The following BICD1 variants were observed in gnomAD, a reference collection of about 807,000 sequenced individuals.
BICD1 encodes the protein protein bicaudal D homolog 1.
BICD1 carries 35 observed loss-of-function variants against 92.5 expected under a neutral mutation model. That is an observed-to-expected ratio of 0.38 (90% CI 0.29 to 0.50). The LOEUF (loss-of-function observed/expected upper bound fraction) is 0.50, where lower values mean the gene tolerates loss of function less well. BICD1 is among the 20% of genes least tolerant of loss of function. The probability of loss-of-function intolerance (pLI) is 0.93; values close to 1 mark genes in which losing one functional copy is unlikely to be tolerated. For synonymous variants in BICD1, 429 were observed against 465.1 expected, an observed-to-expected ratio of 0.92 and a Z score of 1.00; for missense variants, 950 against 1,189.8, an observed-to-expected ratio of 0.80 and a Z score of 2.97.
At chr12:32,221,143 A>G (rs2121569375) in intron 2 of BICD1, among the ~76,000 whole-genome samples, 2 of 151,318 alleles carry the variant, frequency 1.3e-5, no homozygotes, top group South Asian at 4.2e-4. Context: ...ACCTAATGCT[A>G]AATGACGAGT....
chr12:32,175,386 G>A (rs550420383), intron 1 of BICD1, among the ~76,000 whole-genome samples: 52 of 152,204 alleles, frequency 3.4e-4, no homozygotes, highest in African/African-American at 1.2e-3. Flanking sequence ...TCATGATCTA[G>A]GCTCACTGCA....
intron 2 of BICD1, among the ~76,000 whole-genome samples, chr12:32,234,520 T>C (rs894723368): frequency 1.3e-5 from 2 of 149,002 alleles, no homozygotes; most frequent in Non-Finnish European, 3.0e-5. Context: ...CACTTGAACC[T>C]GGGAGGCGGA....
intron 8 of BICD1, among the ~76,000 whole-genome samples, chr12:32,343,022 T>C (rs966715398): frequency 1.3e-5 from 2 of 152,218 alleles, no homozygotes; most frequent in African/African-American, 2.4e-5. Context: ...GCCCTTACAA[T>C]TGCAGTGCTT....
intron 1 of BICD1, among the ~76,000 whole-genome samples, chr12:32,122,270 A>G (rs1471205592): frequency 1.3e-5 from 2 of 152,038 alleles, no homozygotes; most frequent in Admixed American, 6.6e-5. Context: ...GATCGAGACC[A>G]TCCTAACACA....
At chr12:32,155,412 G>T (rs1943409779) in intron 1 of BICD1, among the ~76,000 whole-genome samples, 1 of 152,152 alleles carries the variant, frequency 6.6e-6, no homozygotes, top group Admixed American at 6.5e-5. Flanking sequence ...CCTTTAATAG[G>T]CTGAGGATTT....
At chr12:32,251,449 G>A (rs1001066336) in intron 2 of BICD1, among the ~76,000 whole-genome samples, 2 of 151,598 alleles carry the variant, frequency 1.3e-5, no homozygotes, top group Non-Finnish European at 2.9e-5. Context: ...AAAAATTAAG[G>A]CATCAGCAGG....
intron 2 of BICD1, among the ~76,000 whole-genome samples, chr12:32,283,749 G>A (rs1947482037): frequency 1.3e-5 from 2 of 152,222 alleles, no homozygotes; most frequent in South Asian, 4.1e-4. Flanking sequence ...ATGGGTGTGA[G>A]TGGCTCATGT....
chr12:32,319,662 C>G (rs2136241857), intron 4 of BICD1, among the ~76,000 whole-genome samples: 1 of 151,908 alleles, frequency 6.6e-6, no homozygotes, highest in South Asian at 2.1e-4. Flanking sequence ...GCTGCAACCT[C>G]TGCTTCCCAG....
intron 1 of BICD1, among the ~76,000 whole-genome samples, chr12:32,189,183 G>A (rs1456035769): frequency 6.6e-6 from 1 of 152,238 alleles, no homozygotes; most frequent in Non-Finnish European, 1.5e-5. Flanking sequence ...TTGAGGACAT[G>A]CAGTTAGAAC....
In BICD1 at chr12:32,382,829, C is replaced by T. The variant is rs1251696980; in HGVS notation, c.*5202C>T. On this transcript the variant is annotated 3_prime_UTR_variant, in exon 10 of 10. Transcript: ENST00000652176. ...AGAACTATAAAGTAAGGGGAAATAT[C>T]ATTTTATTTAAAAATAATTATTCAA... 6.6e-6 allele frequency: 1 copy of T among 151,554 alleles called. No individual in the cohort carries two copies. The highest frequency in any genetic ancestry group is 1.5e-5 in the Non-Finnish European group (1 of 67,870). The allele number at this position is 151,554 out of a possible 1,614,324, so 9.4% of individuals were successfully genotyped here. A position where few individuals can be genotyped will look rare whatever the true frequency, so the allele number is the denominator to read the frequency against.
At chr12:32,282,503 G>A (rs1384392471) in intron 2 of BICD1, among the ~76,000 whole-genome samples, 2 of 152,086 alleles carry the variant, frequency 1.3e-5, no homozygotes, top group East Asian at 1.9e-4. Flanking sequence ...GTGGGAGAAG[G>A]ATACTTCCTG....
intron 8 of BICD1, among the ~76,000 whole-genome samples, chr12:32,360,598 T>G (rs751023859): frequency 4.6e-5 from 7 of 152,158 alleles, no homozygotes; most frequent in Non-Finnish European, 1.0e-4. Context: ...GGTAAAATAA[T>G]GTGTCTGAAC....
intron 2 of BICD1, among the ~76,000 whole-genome samples, chr12:32,239,944 A>T (rs1326760705): frequency 1.3e-5 from 2 of 152,108 alleles, no homozygotes; most frequent in African/African-American, 2.4e-5. Flanking sequence ...TGTATTTTTT[A>T]GATATGGTAT....
chr12:32,223,325 C>A (rs1317941314), intron 2 of BICD1, among the ~76,000 whole-genome samples: 1 of 152,138 alleles, frequency 6.6e-6, no homozygotes, highest in Non-Finnish European at 1.5e-5. Context: ...CGAGACCAGG[C>A]TGGCCAACAT....
intron 8 of BICD1, among the ~76,000 whole-genome samples, chr12:32,362,881 G>T (rs1485036887): frequency 6.6e-6 from 1 of 152,036 alleles, no homozygotes. Context: ...AAAAAAATAT[G>T]TGAGACTATG....
Position 32,334,601 on chromosome 12 carries a change from A to G in BICD1, c.2186A>G (p.Asn729Ser). Reference protein sequence around the residue: ...MVTETMTKLRNELKALKEDAA... With the variant: ...MVTETMTKLRSELKALKEDAA... Reference sequence around the variant, plus strand: ...ACTGAAACCATGACGAAGCTTAGAAATGAACTGAAGGCTTTGAAAGAAGAT... The same window carrying G: ...ACTGAAACCATGACGAAGCTTAGAAGTGAACTGAAGGCTTTGAAAGAAGAT... The change falls in exon 6 of 10, where the codon AAT (asparagine) becomes AGT (serine). Residue 729 changes from asparagine (N) to serine (S), a missense_variant. By Grantham distance (46) the Asn-to-Ser change is conservative. Transcript: ENST00000652176. The G allele has an allele frequency of 6.2e-7, 1 of 1,612,650 alleles. No homozygotes were observed. Among genetic ancestry groups the G allele is most frequent in the Non-Finnish European group, 8.5e-7 (1 of 1,179,354 alleles).
chr12:32,282,396 T>C (rs1019392969), intron 2 of BICD1, among the ~76,000 whole-genome samples: 2 of 151,814 alleles, frequency 1.3e-5, no homozygotes, highest in Non-Finnish European at 2.9e-5. Flanking sequence ...AATTTTTGTA[T>C]TTTTTGTAGA....
chr12:32,160,817 G>A (rs12299622), intron 1 of BICD1, among the ~76,000 whole-genome samples: 1 of 18 alleles, frequency 0.056, no homozygotes, highest in Non-Finnish European at 0.1. Flanking sequence ...ATACACACAT[G>A]TGTGTTTTGT....
intron 1 of BICD1, chr12:32,108,794 C>T (rs1468589267): frequency 1.8e-6 from 1 of 562,496 alleles, no homozygotes; most frequent in African/African-American, 1.9e-5. Context: ...TTAAAAATCC[C>T]AACTAGGAAT....
Sources: allele counts gnomAD v4.1 joint callset (sites outside exome capture counted in the v4.1 genomes callset), GRCh38; gene constraint gnomAD v4.1.1; transcripts MANE v1.5; gene names NCBI Gene and HGNC (gene_info 2026-07-23, HGNC 2026-07-21).